Variants in TASP1 observed in about 807,000 individuals in gnomAD.
TASP1 encodes taspase 1, also known as threonine aspartase 1.
Under a neutral mutation model 56.6 loss-of-function variants are expected in TASP1, and 16 were observed. The observed-to-expected ratio is 0.28, with a 90% CI of 0.19 to 0.43. The LOEUF is 0.43. Ranked by LOEUF, TASP1 falls within the 20% of genes least tolerant of loss-of-function variation. The pLI, the probability that TASP1 is intolerant of heterozygous loss-of-function variation, is 1.00. For synonymous variants in TASP1, 179 were observed against 184.2 expected (o/e 0.97, Z 0.23); for missense variants, 393 against 511.6 (o/e 0.77, Z 2.24).
the TASP1 span, among the ~76,000 whole-genome samples, chr20:13,222,532 G>A: frequency 3.3e-5 from 5 of 152,118 alleles, no homozygotes; most frequent in Admixed American, 1.3e-4. Context: ...TCATGGGGAA[G>A]GTGCAGAGTG....
chr20:13,582,636 A>T (rs1333316005), intron 5 of TASP1, among the ~76,000 whole-genome samples: 1 of 152,228 alleles, frequency 6.6e-6, no homozygotes, highest in African/African-American at 2.4e-5. Context: ...AATAGAATAA[A>T]GCTAAAGTTC....
chr20:13,479,205 G>A (rs141827171), intron 11 of TASP1, among the ~76,000 whole-genome samples: 42 of 152,098 alleles, frequency 2.8e-4, no homozygotes, highest in African/African-American at 9.6e-4. Flanking sequence ...GAACTTAATT[G>A]TCATATACAA....
intron 11 of TASP1, among the ~76,000 whole-genome samples, chr20:13,444,391 C>T (rs2146254644): frequency 6.6e-6 from 1 of 152,222 alleles, no homozygotes; most frequent in Middle Eastern, 3.4e-3. Context: ...CGCCAAATCA[C>T]TTGAATGCCA....
chr20:13,360,534 C>A, the TASP1 span, among the ~76,000 whole-genome samples: 391 of 149,804 alleles, frequency 2.6e-3, no homozygotes, highest in African/African-American at 9.0e-3. Flanking sequence ...GGACCACACC[C>A]TGTAGCCTTT....
the TASP1 span, among the ~76,000 whole-genome samples, chr20:13,350,299 G>A: frequency 3.2e-4 from 49 of 152,282 alleles, no homozygotes; most frequent in African/African-American, 1.1e-3. Flanking sequence ...ATATTAAGGT[G>A]TTAATTTTCC....
chr20:13,528,058 C>G (rs1009120198), intron 10 of TASP1, among the ~76,000 whole-genome samples: 1 of 151,530 alleles, frequency 6.6e-6, no homozygotes, highest in East Asian at 1.9e-4. Flanking sequence ...CCTGTCTCTA[C>G]TAAAAATACA....
chr20:13,456,669 T>C (rs1256880435), intron 11 of TASP1, among the ~76,000 whole-genome samples: 1 of 152,090 alleles, frequency 6.6e-6, no homozygotes, highest in Non-Finnish European at 1.5e-5. Flanking sequence ...TCATGAACTT[T>C]TTGCAGTCCC....
intron 11 of TASP1, among the ~76,000 whole-genome samples, chr20:13,468,235 T>C (rs1482489222): frequency 6.6e-6 from 1 of 152,010 alleles, no homozygotes; most frequent in Non-Finnish European, 1.5e-5. Context: ...CTTACCCAAT[T>C]TGAAACTAAA....
chr20:13,432,937 G>A lies in TASP1; in HGVS notation c.1096+2107C>T, dbSNP rs550437942. On this transcript the variant is annotated intron_variant, in intron 12 of 13. Coordinates refer to ENST00000337743, the MANE Select transcript of TASP1 (RefSeq NM_017714.3). ...ATTTTAATGCCCCCCCCAACCCACC[G>A]CTGCCCAAACACTAGGGGTTATTCT... Among the ~76,000 whole-genome samples, 13 of 151,978 alleles carry A rather than the reference G, an allele frequency of 8.6e-5. No individual in the cohort carries two copies. In the East Asian group the frequency reaches 1.2e-3, roughly 14 times the overall value.
At chr20:13,298,439 T>C in the TASP1 span, among the ~76,000 whole-genome samples, 2 of 152,184 alleles carry the variant, frequency 1.3e-5, no homozygotes, top group Non-Finnish European at 2.9e-5. Flanking sequence ...AGAGGGGAGA[T>C]TCAAATAATT....
chr20:13,329,958 CTT>C, the TASP1 span, among the ~76,000 whole-genome samples: 5 of 145,000 alleles, frequency 3.4e-5, no homozygotes, highest in African/African-American at 1.0e-4. Flanking sequence ...TGTCAAATTC[CTT>C]TTTTTTTTTT....
chr20:13,360,530 C>T, the TASP1 span, among the ~76,000 whole-genome samples: 19 of 152,234 alleles, frequency 1.2e-4, no homozygotes, highest in African/African-American at 4.6e-4. Context: ...GCCAGGACCA[C>T]ACCCTGTAGC....
At chr20:13,617,772 GT>G (rs1263442254) in intron 4 of TASP1, among the ~76,000 whole-genome samples, 1 of 152,092 alleles carries the variant, frequency 6.6e-6, no homozygotes, top group Non-Finnish European at 1.5e-5. Context: ...GCAGGGTGTG[GT>G]TAAGCATCTG....
the TASP1 span, among the ~76,000 whole-genome samples, chr20:13,208,231 G>A: frequency 6.6e-5 from 10 of 152,166 alleles, no homozygotes; most frequent in African/African-American, 2.4e-4. Context: ...AATGTATTAA[G>A]TAGGCAAAAC....
chr20:13,632,017 A>C (rs191952773), intron 1 of TASP1, among the ~76,000 whole-genome samples: 3 of 151,484 alleles, frequency 2.0e-5, no homozygotes, highest in Non-Finnish European at 4.4e-5. Context: ...GCGCCACTGC[A>C]CTCCAGCCTG....
At chr20:13,232,199 G>A in the TASP1 span, among the ~76,000 whole-genome samples, 1 of 152,210 alleles carries the variant, frequency 6.6e-6, no homozygotes, top group Admixed American at 6.6e-5. Context: ...CTAATAAACT[G>A]TACATATTTA....
chr20:13,176,973 C>CT, the TASP1 span, among the ~76,000 whole-genome samples: 3 of 152,162 alleles, frequency 2.0e-5, no homozygotes, highest in African/African-American at 7.2e-5. Context: ...GGCACGATGG[C>CT]TCATGCCTGT....
chr20:13,617,606 G>A (rs1298751822), intron 4 of TASP1, among the ~76,000 whole-genome samples: 1 of 152,088 alleles, frequency 6.6e-6, no homozygotes, highest in Non-Finnish European at 1.5e-5. Context: ...CTCTGCTTAT[G>A]AAAATATAAT....
the TASP1 span, among the ~76,000 whole-genome samples, chr20:13,352,122 C>A: frequency 6.6e-6 from 1 of 152,098 alleles, no homozygotes; most frequent in Non-Finnish European, 1.5e-5. Flanking sequence ...AATGAGAAAT[C>A]AAAAATTCAT....
Sources: gnomAD v4.1 joint callset for allele counts (sites outside exome capture counted in the v4.1 genomes callset) on GRCh38, gnomAD v4.1.1 for gene constraint, MANE v1.5 for transcripts, NCBI Gene and HGNC (gene_info 2026-07-23, HGNC 2026-07-21) for gene names.